The following TOGARAM2 variants were observed in gnomAD, a reference collection of about 807,000 sequenced individuals.
The protein encoded by TOGARAM2 is TOG array regulator of axonemal microtubules 2, also known as TOG array regulator of axonemal microtubules protein 2.
A neutral mutation model predicts 93.3 loss-of-function variants in TOGARAM2; 85 were observed. That is an observed-to-expected ratio of 0.91 (90% CI 0.76 to 1.09). TOGARAM2 has a LOEUF of 1.09. Among genes scored for constraint, TOGARAM2 ranks in the 50% least tolerant of loss-of-function variants. The pLI is 0.00. For missense variants in TOGARAM2, 1,277 were observed against 1,334.5 expected (o/e 0.96, Z 0.67); for synonymous variants, 593 against 552.8 (o/e 1.07, Z -1.02).
At chr2:28,973,611 C>A (rs1671985524) in intron 1 of TOGARAM2, among the ~76,000 whole-genome samples, 1 of 151,834 alleles carries the variant, frequency 6.6e-6, no homozygotes, top group Non-Finnish European at 1.5e-5. Context: ...TAGCCTCAAA[C>A]TCCTAGGCTC....
At chr2:29,004,899 AGTGCATGTGTGTGCAT>A in intron 6 of TOGARAM2, among the ~76,000 whole-genome samples, 2 of 132,616 alleles carry the variant, frequency 1.5e-5, no homozygotes, top group African/African-American at 5.8e-5. Context: ...TACATGTGTG[AGTGCATGTGTGTGCAT>A]GTGTACGTGT....
chr2:29,015,355 C>A (rs538708873), intron 8 of TOGARAM2, among the ~76,000 whole-genome samples: 1 of 152,184 alleles, frequency 6.6e-6, no homozygotes. Flanking sequence ...TGTGTCCCCC[C>A]ACCATGGTCT....
chr2:28,960,263 G>A (rs1236398827), intron 1 of TOGARAM2, among the ~76,000 whole-genome samples: 1 of 152,178 alleles, frequency 6.6e-6, no homozygotes, highest in Non-Finnish European at 1.5e-5. Flanking sequence ...ACTTCAGGGT[G>A]ACGTGCCTAC....
intron 1 of TOGARAM2, among the ~76,000 whole-genome samples, chr2:28,976,050 A>G (rs911736848): frequency 5.3e-5 from 8 of 152,152 alleles, no homozygotes; most frequent in African/African-American, 1.9e-4. Flanking sequence ...ACATTTTCCT[A>G]TTTCTTTGCA....
At chr2:28,994,966 C>A in intron 2 of TOGARAM2, 104 bp downstream of exon 2, 1 of 1,386,366 alleles carries the variant, frequency 7.2e-7, no homozygotes, top group Non-Finnish European at 1.0e-6. Flanking sequence ...GGATAAAGGG[C>A]TGCTGGGAGA....
chr2:28,981,675 AT>A (rs1672199185), intron 1 of TOGARAM2, 137 bp downstream of exon 1: 1 of 152,674 alleles, frequency 6.5e-6, no homozygotes, highest in Non-Finnish European at 1.5e-5. Flanking sequence ...AAGAAAAAGC[AT>A]CCTGCTGTGA....
intron 1 of TOGARAM2, among the ~76,000 whole-genome samples, chr2:28,991,027 TGTGTGTGTGTGTG>T (rs1172649914): frequency 7.5e-4 from 113 of 150,680 alleles, no homozygotes; most frequent in African/African-American, 2.7e-3. Flanking sequence ...TGTGTGTGTG[TGTGTGTGTGTGTG>T]GCTTTTCCCC....
rs1160930510 is a variant in TOGARAM2, at chr2:29,014,464, C to T, written c.947C>T (p.Ser316Phe). The T allele has an allele frequency of 1.2e-6, 2 of 1,603,542 alleles. No homozygotes were observed. Among genetic ancestry groups the T allele is most frequent in the East Asian group, 2.3e-5 (1 of 44,394 alleles). The part of the protein sequence containing the change: ...AAAKKPALPF[S>F]QSAPTLTAFS... ...GCCAAGAAGCCTGCCCTGCCTTTTT[C>T]TCAGTCTGCTCCCACGCTGACAGCC... Residue 316 changes from serine to phenylalanine, a missense_variant, in exon 8 of 20, where the codon TCT becomes TTT. Coordinates refer to ENST00000379558, the MANE Select transcript of TOGARAM2 (RefSeq NM_199280.4).
chr2:29,005,922 T>C (rs1246233360), intron 6 of TOGARAM2, among the ~76,000 whole-genome samples: 1 of 147,990 alleles, frequency 6.8e-6, no homozygotes, highest in African/African-American at 2.6e-5. Flanking sequence ...TAAGTGCATG[T>C]GTGTGGAGTG....
Position 29,008,175 on chromosome 2 carries a change from G to A in TOGARAM2, c.831-3280G>A, listed in dbSNP as rs527302921. Reference sequence around the variant, plus strand: ...TTTATTGTTATTATTTTTTGAGATGGAGTCTCACTCTGTCACCCAGGCTGG... The same window carrying A: ...TTTATTGTTATTATTTTTTGAGATGAAGTCTCACTCTGTCACCCAGGCTGG... On this transcript the variant is annotated intron_variant, in intron 6 of 19. Transcript: ENST00000379558. 2.6e-4 allele frequency among the ~76,000 whole-genome samples: 39 copies of A among 152,052 alleles called. 1 individual carries two copies. The South Asian group carries it at 7.9e-3, about 31-fold the overall frequency.
At chr2:29,005,789 TGC>T (rs1224859795) in intron 6 of TOGARAM2, among the ~76,000 whole-genome samples, 2 of 137,978 alleles carry the variant, frequency 1.4e-5, no homozygotes, top group Non-Finnish European at 3.2e-5. Context: ...TATCTGTGTG[TGC>T]ATGTGTATGA....
chr2:29,005,781 TC>T lies in TOGARAM2; in HGVS notation c.830+2100del, dbSNP rs1553339076. ...TGTGTGTGAGTACATGTGTGGAGTA[TC>T]TGTGTGTGCATGTGTATGAGTGCAT... On this transcript the variant is annotated intron_variant, in intron 6 of 19. Transcript: ENST00000379558. 3.5e-5 allele frequency among the ~76,000 whole-genome samples: 2 copies of T among 57,272 alleles called. 1 individual carries two copies. Among genetic ancestry groups the T allele is most frequent in the Admixed American group, 3.9e-4 (2 of 5,064 alleles). 37.6% of individuals were successfully genotyped at this position (57,272 alleles called of 152,430 possible).
chr2:29,013,499 A>G (rs1288441825), intron 7 of TOGARAM2, among the ~76,000 whole-genome samples: 1 of 152,224 alleles, frequency 6.6e-6, no homozygotes, highest in Non-Finnish European at 1.5e-5. Flanking sequence ...CAGGGACGCC[A>G]ACAGTGCAGC....
chr2:29,004,784 ATG>A (rs897759409), intron 6 of TOGARAM2, among the ~76,000 whole-genome samples: 4 of 146,220 alleles, frequency 2.7e-5, no homozygotes, highest in East Asian at 2.1e-4. Flanking sequence ...GTGCAAGAGT[ATG>A]TGTCTGAGTG....
At chr2:29,039,220 G>T (rs1487800971) in intron 18 of TOGARAM2, among the ~76,000 whole-genome samples, 1 of 152,156 alleles carries the variant, frequency 6.6e-6, no homozygotes, top group Non-Finnish European at 1.5e-5. Context: ...GATCGGACAT[G>T]ATCCAGTTTC....
intron 18 of TOGARAM2, among the ~76,000 whole-genome samples, chr2:29,043,497 G>C (rs1666559562): frequency 6.6e-6 from 1 of 152,156 alleles, no homozygotes; most frequent in Non-Finnish European, 1.5e-5. Flanking sequence ...TAAAAACTCT[G>C]TCCCCTGTAA....
intron 1 of TOGARAM2, among the ~76,000 whole-genome samples, chr2:28,970,392 C>A (rs562757571): frequency 1.3e-5 from 2 of 152,246 alleles, no homozygotes; most frequent in Admixed American, 1.3e-4. Context: ...AATAAGAGTA[C>A]CTATCCAAAG....
chr2:28,983,200 T>G (rs11127198), intron 1 of TOGARAM2, among the ~76,000 whole-genome samples: 2 of 21,258 alleles, frequency 9.4e-5, no homozygotes, highest in African/African-American at 1.7e-4. Context: ...ATATATATAT[T>G]TTTTTTTTTT....
rs577316734 is a variant in TOGARAM2, at chr2:29,035,639, A to G, written c.2401A>G (p.Thr801Ala). 24 of 1,512,654 alleles carry G rather than the reference A, an allele frequency of 1.6e-5. No homozygotes were observed. In the South Asian group the frequency reaches 3.1e-4, roughly 19 times the overall value. The allele number at this position is 1,512,654 out of a possible 1,614,324, so 93.7% of individuals were successfully genotyped here. A position where few individuals can be genotyped will look rare whatever the true frequency, so the allele number is the denominator to read the frequency against. The change falls in exon 17 of 20, where the codon ACT becomes GCT. Residue 801 changes from threonine (T) to alanine (A), a missense_variant. Transcript: ENST00000379558. Reference protein sequence around the residue: ...ELCKAKTELVTAHLVQVFDAF... With the variant: ...ELCKAKTELVAAHLVQVFDAF... Reference sequence around the variant, plus strand: ...CTGCAAGGCCAAGACGGAGCTTGTCACTGCCCACCTGGTCCAGGTGAGCAC... The same window carrying G: ...CTGCAAGGCCAAGACGGAGCTTGTCGCTGCCCACCTGGTCCAGGTGAGCAC...
Sources: allele counts gnomAD v4.1 joint callset (sites outside exome capture counted in the v4.1 genomes callset), GRCh38; gene constraint gnomAD v4.1.1; transcripts MANE v1.5; gene names NCBI Gene and HGNC (gene_info 2026-07-23, HGNC 2026-07-21).